The following SEZ6L variants were observed in gnomAD, a reference collection of about 807,000 sequenced individuals.
SEZ6L encodes the protein seizure related 6 homolog like, also known as seizure 6-like protein.
Under a neutral mutation model 106.2 loss-of-function variants are expected in SEZ6L, and 37 were observed. That is an observed-to-expected ratio of 0.35 (90% CI 0.27 to 0.46). SEZ6L has a LOEUF of 0.46. Among genes scored for constraint, SEZ6L ranks in the 20% least tolerant of loss-of-function variants. SEZ6L has a pLI of 1.00. For missense variants in SEZ6L, 1,172 were observed against 1,332.8 expected, an observed-to-expected ratio of 0.88 and a Z score of 1.88; for synonymous variants, 541 against 570.4, an observed-to-expected ratio of 0.95 and a Z score of 0.73.
chr22:26,293,506 T>G (rs534144717), intron 2 of SEZ6L, among the ~76,000 whole-genome samples: 1 of 152,236 alleles, frequency 6.6e-6, no homozygotes, highest in East Asian at 1.9e-4. Context: ...AATTTTTTTG[T>G]TTTTTGTAGA....
intron 11 of SEZ6L, among the ~76,000 whole-genome samples, chr22:26,348,648 A>G (rs868220116): frequency 0.011 from 210 of 18,500 alleles, 1 homozygote; most frequent in Non-Finnish European, 0.015. Context: ...AAGAAAGAAA[A>G]AGAAAGAAAG....
chr22:26,199,813 A>G (rs1044464508), intron 1 of SEZ6L, among the ~76,000 whole-genome samples: 3 of 152,216 alleles, frequency 2.0e-5, no homozygotes, highest in Non-Finnish European at 2.9e-5. Flanking sequence ...CTTGAGGCCG[A>G]ACTAAACAAA....
chr22:26,283,426 C>T (rs748788084), intron 1 of SEZ6L, among the ~76,000 whole-genome samples: 7 of 151,968 alleles, frequency 4.6e-5, no homozygotes, highest in South Asian at 2.1e-4. Context: ...GTGTTCTAGT[C>T]GAAAGCCCAC....
intron 1 of SEZ6L, among the ~76,000 whole-genome samples, chr22:26,240,952 CA>C (rs1569410891): frequency 6.6e-6 from 1 of 152,118 alleles, no homozygotes; most frequent in African/African-American, 2.4e-5. Context: ...ACCCCCAGCA[CA>C]AAGCATTTGC....
At chr22:26,190,402 C>T (rs913224630) in intron 1 of SEZ6L, among the ~76,000 whole-genome samples, 1 of 152,122 alleles carries the variant, frequency 6.6e-6, no homozygotes, top group Admixed American at 6.5e-5. Flanking sequence ...AACCCATCAA[C>T]TGGTACTTTT....
At chr22:26,207,246 T>C (rs1032694331) in intron 1 of SEZ6L, among the ~76,000 whole-genome samples, 2 of 152,198 alleles carry the variant, frequency 1.3e-5, no homozygotes, top group African/African-American at 2.4e-5. Flanking sequence ...CATCTTGCTT[T>C]GACACCACAA....
At chr22:26,279,286 AG>A (rs1246818964) in intron 1 of SEZ6L, among the ~76,000 whole-genome samples, 1 of 152,042 alleles carries the variant, frequency 6.6e-6, no homozygotes, top group East Asian at 1.9e-4. Context: ...CCTCCCACGG[AG>A]GGTGAACTGC....
chr22:26,361,473 C>T (rs1279907322), intron 12 of SEZ6L, among the ~76,000 whole-genome samples: 2 of 147,544 alleles, frequency 1.4e-5, no homozygotes, highest in Non-Finnish European at 3.0e-5. Context: ...CACCACTGCA[C>T]TCCATCTTGA....
At chr22:26,184,601 A>G (rs1231513146) in intron 1 of SEZ6L, among the ~76,000 whole-genome samples, 1 of 151,922 alleles carries the variant, frequency 6.6e-6, no homozygotes, top group African/African-American at 2.4e-5. Flanking sequence ...AGAAATGTAT[A>G]CTCCCTGTGA....
intron 1 of SEZ6L, among the ~76,000 whole-genome samples, chr22:26,194,256 G>A (rs971263229): frequency 6.6e-6 from 1 of 152,122 alleles, no homozygotes. Context: ...TGAAGCCCTT[G>A]GTGCCATTAC....
At chr22:26,244,563 C>T (rs1396943162) in intron 1 of SEZ6L, 1 of 152,250 alleles carries the variant, frequency 6.6e-6, no homozygotes, top group Non-Finnish European at 1.5e-5. Context: ...GTGGCATCTG[C>T]ATTGAGCGCT....
At chr22:26,215,278 G>T (rs2078269204) in intron 1 of SEZ6L, among the ~76,000 whole-genome samples, 1 of 152,144 alleles carries the variant, frequency 6.6e-6, no homozygotes, top group South Asian at 2.1e-4. Context: ...TTACACAGGT[G>T]TTACATGCAC....
intron 9 of SEZ6L, among the ~76,000 whole-genome samples, chr22:26,325,405 T>C (rs903739405): frequency 6.6e-6 from 1 of 152,152 alleles, no homozygotes; most frequent in Admixed American, 6.5e-5. Context: ...AGCATCATTA[T>C]CCCCATTTTA....
chr22:26,243,958 T>C (rs1352195532), intron 1 of SEZ6L, among the ~76,000 whole-genome samples: 1 of 151,514 alleles, frequency 6.6e-6, no homozygotes, highest in Non-Finnish European at 1.5e-5. Context: ...AGCTCAGGAG[T>C]TCGAGACCAG....
At chr22:26,217,264 C>A (rs987771065) in intron 1 of SEZ6L, among the ~76,000 whole-genome samples, 3 of 152,172 alleles carry the variant, frequency 2.0e-5, no homozygotes, top group African/African-American at 7.2e-5. Flanking sequence ...CTGACTATAA[C>A]CCTCCAACCC....
intron 1 of SEZ6L, among the ~76,000 whole-genome samples, chr22:26,286,955 C>T (rs1273740409): frequency 2.0e-5 from 3 of 151,888 alleles, no homozygotes; most frequent in Admixed American, 2.0e-4. Context: ...ACAATATTGG[C>T]CAAGCTGGTT....
chr22:26,245,383 C>A (rs1437989691), intron 1 of SEZ6L, among the ~76,000 whole-genome samples: 1 of 152,078 alleles, frequency 6.6e-6, no homozygotes, highest in Admixed American at 6.5e-5. Flanking sequence ...GGGGTGCAGG[C>A]TCCCAGGCAG....
rs74984280 is a variant in SEZ6L, at chr22:26,313,046, G to C, written c.1877-718G>C. On this transcript the variant is annotated intron_variant, in intron 8 of 16. Transcript: ENST00000248933. ...CTATATTAAATGTGCCGATTTAACA[G>C]AGCGGAATTTATTGGTGCTTTGGCC... 6.5e-3 allele frequency among the ~76,000 whole-genome samples: 994 copies of C among 152,338 alleles called. 9 individuals are homozygous for C. The highest frequency in any genetic ancestry group is 0.023 in the African/African-American group (958 of 41,578).
At chr22:26,209,251 T>C (rs1212555306) in intron 1 of SEZ6L, among the ~76,000 whole-genome samples, 2 of 152,364 alleles carry the variant, frequency 1.3e-5, no homozygotes, top group East Asian at 3.9e-4. Flanking sequence ...TTAGTTGATG[T>C]CTTGTTTCCT....
Sources: gnomAD v4.1 joint callset for allele counts (sites outside exome capture counted in the v4.1 genomes callset) on GRCh38, gnomAD v4.1.1 for gene constraint, MANE v1.5 for transcripts, NCBI Gene and HGNC (gene_info 2026-07-23, HGNC 2026-07-21) for gene names.